The following DNAH14 variants were observed in gnomAD, a reference collection of about 807,000 sequenced individuals.
The protein encoded by DNAH14 is axonemal beta dynein heavy chain 14.
In DNAH14, 478 loss-of-function variants were observed where a neutral mutation model predicts 520.9. That is an observed-to-expected ratio of 0.92 (90% CI 0.85 to 0.99). DNAH14 has a LOEUF of 0.99. Among genes scored for constraint, DNAH14 ranks in the 50% least tolerant of loss-of-function variants. The probability of loss-of-function intolerance (pLI) is 0.00; values close to 1 mark genes in which losing one functional copy is unlikely to be tolerated. For synonymous variants in DNAH14, 1,581 were observed against 1,757.2 expected (o/e 0.90, Z 2.51); for missense variants, 4,831 against 5,234.5 (o/e 0.92, Z 2.38).
At chr1:225,286,160 G>T (rs146366745) in intron 54 of DNAH14, among the ~76,000 whole-genome samples, 92 of 152,292 alleles carry the variant, frequency 6.0e-4, no homozygotes, top group African/African-American at 2.2e-3. Flanking sequence ...AAGGGGAGAG[G>T]AGGGGAGAAA....
intron 6 of DNAH14, 105 bp from the exon 7 acceptor site, chr1:224,968,654 G>T: frequency 1.4e-6 from 1 of 699,104 alleles, no homozygotes; most frequent in Non-Finnish European, 2.2e-6. Flanking sequence ...ATAAAGGCAA[G>T]AAGTTACAAG....
intron 8 of DNAH14, among the ~76,000 whole-genome samples, chr1:224,983,204 ATGTCTC>A (rs1484516558): frequency 7.0e-6 from 1 of 141,996 alleles, no homozygotes; most frequent in Non-Finnish European, 1.5e-5. Flanking sequence ...CCATTATATA[ATGTCTC>A]TGTCTCTTTT....
At chr1:224,948,134 A>G (rs955113885) in intron 1 of DNAH14, among the ~76,000 whole-genome samples, 3 of 151,938 alleles carry the variant, frequency 2.0e-5, no homozygotes, top group African/African-American at 7.2e-5. Flanking sequence ...ATTAACTGAA[A>G]TAAGTTTGTT....
chr1:225,078,026 C>T (rs1429434691), intron 17 of DNAH14, among the ~76,000 whole-genome samples: 1 of 152,110 alleles, frequency 6.6e-6, no homozygotes, highest in African/African-American at 2.4e-5. Context: ...AGGCATACTC[C>T]TTAAGAACCC....
Position 225,318,569 on chromosome 1 carries a change from T to A in DNAH14, c.9241-14T>A, listed in dbSNP as rs766861865. ...TGATTCATATGTGTTTGGGGACCTATATTTTTATTGCAGAAAACTGCCAAT... is the reference window on the plus strand; with the variant it reads ...TGATTCATATGTGTTTGGGGACCTAAATTTTTATTGCAGAAAACTGCCAAT... On this transcript the variant is annotated splice_polypyrimidine_tract_variant and intron_variant, in intron 60 of 85. Coordinates refer to ENST00000682510, the MANE Select transcript of DNAH14 (RefSeq NM_001367479.1). 2 of 1,539,200 alleles carry A rather than the reference T, an allele frequency of 1.3e-6. No individual in the cohort carries two copies. Among genetic ancestry groups the A allele is most frequent in the Middle Eastern group, 1.7e-4 (1 of 5,934 alleles).
intron 41 of DNAH14, among the ~76,000 whole-genome samples, chr1:225,225,568 C>G (rs1474253820): frequency 6.6e-6 from 1 of 151,750 alleles, no homozygotes; most frequent in Non-Finnish European, 1.5e-5. Flanking sequence ...AAAATATGCT[C>G]AGAAAAAAAA....
At chr1:225,060,393 G>A (rs909274551) in intron 17 of DNAH14, among the ~76,000 whole-genome samples, 31 of 151,886 alleles carry the variant, frequency 2.0e-4, no homozygotes, top group Non-Finnish European at 4.0e-4. Flanking sequence ...CTCTGCATTG[G>A]TTATTCTAGT....
intron 8 of DNAH14, among the ~76,000 whole-genome samples, chr1:224,979,520 G>T (rs970940671): frequency 2.0e-5 from 3 of 152,186 alleles, no homozygotes; most frequent in Non-Finnish European, 2.9e-5. Flanking sequence ...GCAGACTAAA[G>T]AGCTATGTGG....
intron 10 of DNAH14, among the ~76,000 whole-genome samples, chr1:225,011,082 G>A (rs771448909): frequency 3.4e-5 from 5 of 146,568 alleles, no homozygotes; most frequent in Admixed American, 6.8e-5. Context: ...AACTTTTTTT[G>A]TGTGTCTCTA....
At chr1:225,334,161 A>T (rs2150303701) in intron 66 of DNAH14, among the ~76,000 whole-genome samples, 1 of 152,284 alleles carries the variant, frequency 6.6e-6, no homozygotes, top group Middle Eastern at 3.4e-3. Flanking sequence ...GATTGTAGCC[A>T]GGGGCAGTGG....
intron 8 of DNAH14, among the ~76,000 whole-genome samples, chr1:224,988,149 C>T (rs752730224): frequency 3.3e-5 from 5 of 152,014 alleles, no homozygotes; most frequent in Non-Finnish European, 5.9e-5. Context: ...TGAGAATATG[C>T]GGTGTTCAGT....
intron 37 of DNAH14, among the ~76,000 whole-genome samples, chr1:225,191,469 C>T (rs1256770626): frequency 6.6e-6 from 1 of 151,956 alleles, no homozygotes; most frequent in Non-Finnish European, 1.5e-5. Context: ...CTTGTATTGC[C>T]TCTCTCCTGC....
intron 21 of DNAH14, among the ~76,000 whole-genome samples, chr1:225,094,403 CTG>C (rs1236589075): frequency 6.6e-6 from 1 of 151,842 alleles, no homozygotes; most frequent in African/African-American, 2.4e-5. Flanking sequence ...TATGGAATAA[CTG>C]GAATAACTGG....
intron 72 of DNAH14, among the ~76,000 whole-genome samples, chr1:225,352,158 C>T (rs115218114): frequency 0.013 from 1,941 of 152,192 alleles, 42 homozygotes; most frequent in African/African-American, 0.044. Flanking sequence ...AGTTTTGAAC[C>T]TTGAATCTGA....
chr1:225,303,283 A>T lies in DNAH14; in HGVS notation c.8759A>T (p.Glu2920Val). The T allele has an allele frequency of 6.4e-7, 1 of 1,551,558 alleles. No homozygotes were observed. The highest frequency in any genetic ancestry group is 8.7e-7 in the Non-Finnish European group (1 of 1,146,864). The change falls in exon 57 of 86, where the codon GAA (glutamate) becomes GTA (valine). Residue 2920 changes from glutamate to valine, a missense_variant. Coordinates refer to ENST00000682510, the MANE Select transcript of DNAH14 (RefSeq NM_001367479.1). ...CTIDWYERWP[E>V]EALLIVANSF... Reference sequence around the variant, plus strand: ...ATCGATTGGTATGAGAGGTGGCCAGAAGAAGCTCTCCTTATTGTAGCTAAC... The same window carrying T: ...ATCGATTGGTATGAGAGGTGGCCAGTAGAAGCTCTCCTTATTGTAGCTAAC...
At chr1:224,968,393 T>A (rs1296000887) in intron 6 of DNAH14, among the ~76,000 whole-genome samples, 1 of 152,162 alleles carries the variant, frequency 6.6e-6, no homozygotes, top group Non-Finnish European at 1.5e-5. Context: ...TATAAGATTA[T>A]ACACACATTT....
intron 55 of DNAH14, among the ~76,000 whole-genome samples, chr1:225,293,795 T>A (rs536494204): frequency 8.7e-4 from 132 of 152,278 alleles, no homozygotes; most frequent in African/African-American, 2.7e-3. Flanking sequence ...AAATTTGCAC[T>A]TGTACTTCTG....
chr1:225,187,463 A>T (rs1232935851), intron 37 of DNAH14, among the ~76,000 whole-genome samples: 3 of 151,864 alleles, frequency 2.0e-5, no homozygotes, highest in African/African-American at 7.2e-5. Flanking sequence ...ACATTTGTGT[A>T]CAAGTTGAGT....
At chr1:225,336,108 TAA>T (rs1325686438) in intron 66 of DNAH14, among the ~76,000 whole-genome samples, 1 of 149,342 alleles carries the variant, frequency 6.7e-6, no homozygotes, top group South Asian at 2.1e-4. Flanking sequence ...CATATATGTA[TAA>T]GACTACACAT....
Sources: allele counts gnomAD v4.1 joint callset (sites outside exome capture counted in the v4.1 genomes callset), GRCh38; gene constraint gnomAD v4.1.1; transcripts MANE v1.5; gene names NCBI Gene and HGNC (gene_info 2026-07-23, HGNC 2026-07-21).